Variants in SDR42E1 observed in about 807,000 individuals in gnomAD.
SDR42E1 encodes short chain dehydrogenase/reductase family 42E, member 1.
Under a neutral mutation model 2.6 loss-of-function variants are expected in SDR42E1, and 5 were observed. That is an observed-to-expected ratio of 1.94 (90% confidence interval 1.01 to 4.08). SDR42E1 has a LOEUF of 4.08. Among genes scored for constraint, SDR42E1 ranks in the 30% most tolerant of loss-of-function variants. The probability of loss-of-function intolerance (pLI) is 0.00; values close to 1 mark genes in which losing one functional copy is unlikely to be tolerated. For missense variants in SDR42E1, 596 were observed against 478.6 expected (o/e 1.25, Z -2.29); for synonymous variants, 231 against 188.3 (o/e 1.23, Z -1.86).
chr16:82,000,173 G>A lies in SDR42E1; in HGVS notation c.120C>T (p.Ile40=). 5 of 1,612,382 alleles carry A rather than the reference G, an allele frequency of 3.1e-6. No homozygotes were observed. The highest frequency in any genetic ancestry group is 4.2e-6 in the Non-Finnish European group (5 of 1,178,942). Residue 40 remains isoleucine (I), a synonymous_variant, in exon 3 of 3, where the codon ATC becomes ATT. Coordinates refer to ENST00000328945, the MANE Select transcript of SDR42E1 (RefSeq NM_145168.3). ...QNGVHVILFD[I]SSPAQTIPEG... is the part of the protein sequence containing the mutation. ...CTGGAATGGTTTGAGCAGGGCTGCT[G>A]ATGTCAAACAGAATCACATGGACTC...
chr16:82,004,767 G>A (rs1912881429), intron 1 of SDR42E1, among the ~76,000 whole-genome samples: 1 of 152,212 alleles, frequency 6.6e-6, no homozygotes, highest in Admixed American at 6.5e-5. Flanking sequence ...TTCCCCTGGA[G>A]GAGGAAATGG....
In SDR42E1 at chr16:81,989,222, G is replaced by C. The variant is rs1040877355; in HGVS notation, c.*9889C>G. The C allele has an allele frequency of 2.6e-5, 4 of 152,118 alleles. No homozygotes were observed. Among genetic ancestry groups the C allele is most frequent in the Non-Finnish European group, 4.4e-5 (3 of 68,022 alleles). The allele number at this position is 152,118 out of a possible 1,614,324, so 9.4% of individuals were successfully genotyped here. On this transcript the variant is annotated 3_prime_UTR_variant, in exon 3 of 3. Coordinates refer to ENST00000328945, the MANE Select transcript of SDR42E1 (RefSeq NM_145168.3). ...GTGACCTCCTATGTCAGCAAATAAA[G>C]AATATATACTAATATCAATAGATCA...
rs971059780 is a variant in SDR42E1, at chr16:81,998,355, T to C, written c.*756A>G. The stretch of plus-strand genomic sequence containing the variant: ...GGCTCTGAGGGCACACCCAAAGACA[T>C]TGCAGAAAGTCCAGTAGCAATAGCC... On this transcript the variant is annotated 3_prime_UTR_variant, in exon 3 of 3. Coordinates refer to ENST00000328945, the MANE Select transcript of SDR42E1 (RefSeq NM_145168.3). 1.3e-5 allele frequency: 2 copies of C among 152,172 alleles called. No individual in the cohort carries two copies. Among genetic ancestry groups the C allele is most frequent in the East Asian group, 1.9e-4 (1 of 5,200 alleles). 9.4% of individuals were successfully genotyped at this position (152,172 alleles called of 1,614,324 possible).
At chr16:82,006,587 G>A (rs1352982343) in intron 1 of SDR42E1, among the ~76,000 whole-genome samples, 1 of 152,196 alleles carries the variant, frequency 6.6e-6, no homozygotes, top group Non-Finnish European at 1.5e-5. Context: ...GAGGTCAGGA[G>A]TTTGAGACCA....
At chr16:82,006,136 T>G in intron 1 of SDR42E1, among the ~76,000 whole-genome samples, 1 of 152,160 alleles carries the variant, frequency 6.6e-6, no homozygotes, top group East Asian at 1.9e-4. Flanking sequence ...TCATTAGCAT[T>G]TCACCAATAG....
chr16:82,004,541 C>T (rs1470727226), intron 1 of SDR42E1, among the ~76,000 whole-genome samples: 12 of 152,188 alleles, frequency 7.9e-5, no homozygotes, highest in Admixed American at 2.0e-4. Context: ...CACTCTGTTG[C>T]CCAGGCTATA....
rs1229428549 is a variant in SDR42E1, at chr16:81,993,335, A to C, written c.*5776T>G. On this transcript the variant is annotated 3_prime_UTR_variant, in exon 3 of 3. Transcript: ENST00000328945. ...TTGTTGAAAGATAAGAAACACCTAG[A>C]GTGCAGATTACCAACCAACACAGAC... The C allele has an allele frequency of 2.6e-5, 4 of 152,230 alleles. No homozygotes were observed. The allele number at this position is 152,230 out of a possible 1,614,324, so 9.4% of individuals were successfully genotyped here.
chr16:82,009,148 G>A (rs1258686704), intron 1 of SDR42E1, among the ~76,000 whole-genome samples: 2 of 152,208 alleles, frequency 1.3e-5, no homozygotes, highest in Admixed American at 1.3e-4. Flanking sequence ...TGGATGTCCA[G>A]GCAGAAGTTG....
At position 81,999,748 on chromosome 16, in the gene SDR42E1, G is replaced by A. The variant is rs758843072; in HGVS notation, c.545C>T (p.Ala182Val). 1.9e-6 allele frequency: 3 copies of A among 1,614,258 alleles called. No individual in the cohort carries two copies. In the Admixed American group the frequency reaches 5.0e-5, roughly 27 times the overall value. ...CCCATAGATGCCAGCTGGCCTCAGA[G>A]CGCAGGTTCTTAAGACACCGTCGCC... ...DRGDGVLRTC[A>V]LRPAGIYGPG... Residue 182 changes from alanine (A) to valine (V), a missense_variant, in exon 3 of 3, where the codon GCT (alanine) becomes GTT (valine). Ala to Val is a moderately conservative substitution (Grantham distance 64). Coordinates refer to ENST00000328945, the MANE Select transcript of SDR42E1 (RefSeq NM_145168.3).
rs1912476484 is a variant in SDR42E1 at position 81,993,598 on chromosome 16, G to A, written c.*5513C>T. ...ATGTTCTTATTGCCTCAGGCTGGGA[G>A]TCTCAGGTGTAAAAGAAGCAATAAC... On this transcript the variant is annotated 3_prime_UTR_variant, in exon 3 of 3. Coordinates refer to ENST00000328945, the MANE Select transcript of SDR42E1 (RefSeq NM_145168.3). The A allele has an allele frequency of 6.6e-6, 1 of 152,168 alleles. No homozygotes were observed. The highest frequency in any genetic ancestry group is 2.4e-5 in the African/African-American group (1 of 41,436). The allele number at this position is 152,168 out of a possible 1,614,324, so 9.4% of individuals were successfully genotyped here.
chr16:81,989,053 G>A lies in SDR42E1; in HGVS notation c.*10058C>T, dbSNP rs1450185916. On this transcript the variant is annotated 3_prime_UTR_variant, in exon 3 of 3. Coordinates refer to ENST00000328945, the MANE Select transcript of SDR42E1 (RefSeq NM_145168.3). ...ATATAACTATGTGTCTTATATATAG[G>A]GTGATCGTACAATTTATTATACAAA... 4 of 151,886 alleles carry A rather than the reference G, an allele frequency of 2.6e-5. No individual in the cohort carries two copies. Among genetic ancestry groups the A allele is most frequent in the Admixed American group, 1.3e-4 (2 of 15,262 alleles). The allele number at this position is 151,886 out of a possible 1,614,324, so 9.4% of individuals were successfully genotyped here.
At position 81,999,792 on chromosome 16, in the gene SDR42E1, A is replaced by C. The variant is rs748077114; in HGVS notation, c.501T>G (p.Asn167Lys). The C allele has an allele frequency of 9.9e-6, 16 of 1,614,192 alleles. 1 individual carries two copies. The South Asian group carries it at 1.4e-4, about 14-fold the overall frequency. The change falls in exon 3 of 3, where the codon AAT becomes AAG. Residue 167 changes from asparagine (N) to lysine (K), a missense_variant. Transcript: ENST00000328945. ...CGTCGCCTCTGTCCAGGGGTGTAGC[A>C]TTCGCCTCCAGCACCTTCTGCTCTG... ...SIAEQKVLEANATPLDRGDGV... is the reference protein window; with the variant it reads ...SIAEQKVLEAKATPLDRGDGV...
At chr16:82,006,789 A>G (rs1912952468) in intron 1 of SDR42E1, among the ~76,000 whole-genome samples, 1 of 152,220 alleles carries the variant, frequency 6.6e-6, no homozygotes, top group Admixed American at 6.5e-5. Context: ...GGGAGATTCC[A>G]TCTCAAAAAA....
rs1215383765 is a variant in SDR42E1, at chr16:81,997,728, G to T, written c.*1383C>A. On this transcript the variant is annotated 3_prime_UTR_variant, in exon 3 of 3. Coordinates refer to ENST00000328945, the MANE Select transcript of SDR42E1 (RefSeq NM_145168.3). ...CCCAGTGAACCCTATGGGGTGGGTG[G>T]GTTTATACAAAGGGCAAATGCAGTC... 1 of 152,140 alleles carries T rather than the reference G, an allele frequency of 6.6e-6. No homozygotes were observed. The highest frequency in any genetic ancestry group is 2.4e-5 in the African/African-American group (1 of 41,422). 9.4% of individuals were successfully genotyped at this position (152,140 alleles called of 1,614,324 possible).
chr16:81,999,746 G>C lies in SDR42E1; in HGVS notation c.547C>G (p.Leu183Val), dbSNP rs928988061. ...RGDGVLRTCA[L>V]RPAGIYGPGE... Reference sequence around the variant, plus strand: ...GGCCCATAGATGCCAGCTGGCCTCAGAGCGCAGGTTCTTAAGACACCGTCG... The same window carrying C: ...GGCCCATAGATGCCAGCTGGCCTCACAGCGCAGGTTCTTAAGACACCGTCG... The change falls in exon 3 of 3, where the codon CTG becomes GTG. Residue 183 changes from leucine (L) to valine (V), a missense_variant. Leu to Val is a conservative substitution (Grantham distance 32). Coordinates refer to ENST00000328945, the MANE Select transcript of SDR42E1 (RefSeq NM_145168.3). 3 of 1,614,100 alleles carry C rather than the reference G, an allele frequency of 1.9e-6. No homozygotes were observed. In the African/African-American group the frequency reaches 4.0e-5, roughly 22 times the overall value.
chr16:81,997,671 A>G lies in SDR42E1; in HGVS notation c.*1440T>C, dbSNP rs1333822333. Reference sequence around the variant, plus strand: ...TCATACTGATGTTGCAATTTATATTAGAAGTACTTTCACCACATCTTGCTT... The same window carrying G: ...TCATACTGATGTTGCAATTTATATTGGAAGTACTTTCACCACATCTTGCTT... On this transcript the variant is annotated 3_prime_UTR_variant, in exon 3 of 3. Transcript: ENST00000328945. 1 of 152,228 alleles carries G rather than the reference A, an allele frequency of 6.6e-6. No homozygotes were observed. The highest frequency in any genetic ancestry group is 1.9e-4 in the East Asian group (1 of 5,204). The allele number at this position is 152,228 out of a possible 1,614,324, so 9.4% of individuals were successfully genotyped here.
chr16:82,000,111 A>G lies in SDR42E1; in HGVS notation c.182T>C (p.Leu61Pro), dbSNP rs1184148863. 6.2e-7 allele frequency: 1 copy of G among 1,614,130 alleles called. No individual in the cohort carries two copies. The highest frequency in any genetic ancestry group is 8.5e-7 in the Non-Finnish European group (1 of 1,180,046). Residue 61 changes from leucine (L) to proline (P), a missense_variant, in exon 3 of 3, where the codon CTG (leucine) becomes CCG (proline). Physicochemically the swap from Leu to Pro is moderately conservative, Grantham distance 98. Coordinates refer to ENST00000328945, the MANE Select transcript of SDR42E1 (RefSeq NM_145168.3). ...CTGGAAGGCTTTCTCTACGTCAGAC[A>G]GGTGGCGGATGTCTCCTTGTATAAA... ...IKFIQGDIRHLSDVEKAFQDA... is the reference protein window; with the variant it reads ...IKFIQGDIRHPSDVEKAFQDA...
At chr16:82,000,408 C>T in intron 2 of SDR42E1, 184 bp from the exon 3 acceptor site, 1 of 753,972 alleles carries the variant, frequency 1.3e-6, no homozygotes, top group Middle Eastern at 2.7e-4. Context: ...AGTGAGAATC[C>T]TCTCATCTAC....
rs567743533 is a variant in SDR42E1, at chr16:81,996,933, C to T, written c.*2178G>A. 1 of 152,350 alleles carries T rather than the reference C, an allele frequency of 6.6e-6. No individual in the cohort carries two copies. Among genetic ancestry groups the T allele is most frequent in the Admixed American group, 6.5e-5 (1 of 15,290 alleles). The allele number at this position is 152,350 out of a possible 1,614,324, so 9.4% of individuals were successfully genotyped here. On this transcript the variant is annotated 3_prime_UTR_variant, in exon 3 of 3. Transcript: ENST00000328945. ...TGGAAACGACAGTGCATGGCTGTGG[C>T]TGTGAGTATAAAATCTTTTTAAGAT...
Sources: allele counts gnomAD v4.1 joint callset (sites outside exome capture counted in the v4.1 genomes callset), GRCh38; gene constraint gnomAD v4.1.1; transcripts MANE v1.5; gene names NCBI Gene and HGNC (gene_info 2026-07-23, HGNC 2026-07-21).